Variants in PTPRT observed in about 807,000 individuals in gnomAD.
The protein encoded by PTPRT is receptor-type tyrosine-protein phosphatase T.
Under a neutral mutation model 176.8 loss-of-function variants are expected in PTPRT, and 56 were observed. That is an observed-to-expected ratio of 0.32 (90% CI 0.26 to 0.40). PTPRT has a LOEUF of 0.40. Ranked by LOEUF, PTPRT falls within the 10% of genes least tolerant of loss-of-function variation. The pLI is 1.00. For synonymous variants in PTPRT, 783 were observed against 739.0 expected, an observed-to-expected ratio of 1.06 and a Z score of -0.96; for missense variants, 1,540 against 1,908.2, an observed-to-expected ratio of 0.81 and a Z score of 3.60.
chr20:42,528,661 A>T (rs1461589452), intron 7 of PTPRT, among the ~76,000 whole-genome samples: 1 of 152,214 alleles, frequency 6.6e-6, no homozygotes, highest in Non-Finnish European at 1.5e-5. Context: ...CAATGCTATA[A>T]GTAGTCCTTA....
intron 1 of PTPRT, among the ~76,000 whole-genome samples, chr20:42,910,717 C>T (rs2079533340): frequency 6.6e-6 from 1 of 152,140 alleles, no homozygotes; most frequent in African/African-American, 2.4e-5. Context: ...AGGGTGAAAT[C>T]AAGGTTGAGG....
intron 2 of PTPRT, among the ~76,000 whole-genome samples, chr20:42,811,161 A>T (rs2077691876): frequency 1.3e-5 from 2 of 152,204 alleles, no homozygotes; most frequent in South Asian, 2.1e-4. Flanking sequence ...CATTTTGAGG[A>T]ATTCAAGAAA....
At chr20:42,750,601 T>G (rs1363856939) in intron 6 of PTPRT, among the ~76,000 whole-genome samples, 1 of 152,330 alleles carries the variant, frequency 6.6e-6, no homozygotes, top group Non-Finnish European at 1.5e-5. Flanking sequence ...AGCACTAGTA[T>G]CACATTTCTT....
intron 7 of PTPRT, among the ~76,000 whole-genome samples, chr20:42,668,399 C>A (rs2075353549): frequency 6.6e-6 from 1 of 152,208 alleles, no homozygotes; most frequent in South Asian, 2.1e-4. Context: ...CCAGCTATTT[C>A]TTCCAGAGAA....
At chr20:42,124,188 G>A (rs1211534414) in intron 19 of PTPRT, among the ~76,000 whole-genome samples, 1 of 152,216 alleles carries the variant, frequency 6.6e-6, no homozygotes, top group African/African-American at 2.4e-5. Flanking sequence ...CTCCTCTGGG[G>A]ATTCGCCAAG....
At chr20:42,908,812 T>A (rs1195061814) in intron 1 of PTPRT, among the ~76,000 whole-genome samples, 1 of 152,184 alleles carries the variant, frequency 6.6e-6, no homozygotes, top group Admixed American at 6.5e-5. Flanking sequence ...ATTAGGCATA[T>A]TTATGGAAGC....
At chr20:43,073,346 C>T (rs566829032) in intron 1 of PTPRT, among the ~76,000 whole-genome samples, 1 of 151,900 alleles carries the variant, frequency 6.6e-6, no homozygotes, top group Non-Finnish European at 1.5e-5. Flanking sequence ...CAATGTGCTC[C>T]GTTATCTTGG....
intron 1 of PTPRT, among the ~76,000 whole-genome samples, chr20:42,905,897 T>G (rs1378169308): frequency 2.7e-5 from 3 of 111,534 alleles, no homozygotes; most frequent in Non-Finnish European, 5.0e-5. Flanking sequence ...GCAGGGAACA[T>G]CACACACTGG....
At chr20:42,577,318 C>T (rs1241410816) in intron 7 of PTPRT, among the ~76,000 whole-genome samples, 1 of 152,158 alleles carries the variant, frequency 6.6e-6, no homozygotes, top group African/African-American at 2.4e-5. Context: ...TTTGGCCACA[C>T]CTCTGCACAA....
At chr20:42,936,867 GAAGTA>G (rs764515568) in intron 1 of PTPRT, among the ~76,000 whole-genome samples, 2 of 152,172 alleles carry the variant, frequency 1.3e-5, no homozygotes, top group Non-Finnish European at 2.9e-5. Flanking sequence ...AATTCTAAAC[GAAGTA>G]AAGACCAAGA....
chr20:42,729,439 C>T (rs187149416), intron 6 of PTPRT, among the ~76,000 whole-genome samples: 153 of 152,266 alleles, frequency 1.0e-3, no homozygotes, highest in Non-Finnish European at 1.5e-3. Context: ...CCGTGGAGTC[C>T]TGCTGTGTGT....
At chr20:42,665,825 C>T (rs906001757) in intron 7 of PTPRT, among the ~76,000 whole-genome samples, 5 of 151,838 alleles carry the variant, frequency 3.3e-5, no homozygotes, top group Admixed American at 6.6e-5. Context: ...TCATCATTCT[C>T]AGCAAACTCT....
At chr20:42,568,694 CAGAGAGCT>C (rs2073090630) in intron 7 of PTPRT, among the ~76,000 whole-genome samples, 1 of 152,076 alleles carries the variant, frequency 6.6e-6, no homozygotes, top group African/African-American at 2.4e-5. Context: ...TCCTGGCCTA[CAGAGAGCT>C]GTCTGAGCTG....
intron 2 of PTPRT, among the ~76,000 whole-genome samples, chr20:42,881,924 G>C (rs2079018587): frequency 6.6e-6 from 1 of 151,936 alleles, no homozygotes; most frequent in Admixed American, 6.6e-5. Context: ...GAAGAAAAGG[G>C]GCCCAAAGAA....
At chr20:42,812,313 A>C (rs547140281) in intron 2 of PTPRT, among the ~76,000 whole-genome samples, 1 of 152,176 alleles carries the variant, frequency 6.6e-6, no homozygotes, top group Non-Finnish European at 1.5e-5. Flanking sequence ...ATATTTTGGA[A>C]CCATCACCAT....
At chr20:42,972,654 A>G (rs986030679) in intron 1 of PTPRT, among the ~76,000 whole-genome samples, 1 of 147,394 alleles carries the variant, frequency 6.8e-6, no homozygotes, top group African/African-American at 2.5e-5. Flanking sequence ...TGGGCAACAG[A>G]ATGAGACTCC....
chr20:42,657,768 G>GA (rs1222274622), intron 7 of PTPRT, among the ~76,000 whole-genome samples: 6 of 151,944 alleles, frequency 3.9e-5, no homozygotes, highest in South Asian at 4.2e-4. Context: ...CTCCCTCAAG[G>GA]AAAAAAAGCT....
At chr20:42,912,182 C>T (rs1978439025) in intron 1 of PTPRT, among the ~76,000 whole-genome samples, 2 of 152,240 alleles carry the variant, frequency 1.3e-5, no homozygotes, top group South Asian at 2.1e-4. Context: ...ATGTATAAGA[C>T]TGTTCATTTT....
intron 16 of PTPRT, among the ~76,000 whole-genome samples, chr20:42,197,150 C>A (rs370981698): frequency 6.6e-6 from 1 of 151,904 alleles, no homozygotes; most frequent in African/African-American, 2.4e-5. Context: ...GAGGCCGAGG[C>A]GGGCGGATTA....
Sources: allele counts gnomAD v4.1 joint callset (sites outside exome capture counted in the v4.1 genomes callset), GRCh38; gene constraint gnomAD v4.1.1; transcripts MANE v1.5; gene names NCBI Gene and HGNC (gene_info 2026-07-23, HGNC 2026-07-21).